The following MRPS33 variants were observed in gnomAD, a reference collection of about 807,000 sequenced individuals.
The protein encoded by MRPS33 is mitochondrial ribosomal protein S33.
Under a neutral mutation model 11.2 loss-of-function variants are expected in MRPS33, and 11 were observed. That is an observed-to-expected ratio of 0.99 (90% CI 0.62 to 1.63). The LOEUF (loss-of-function observed/expected upper bound fraction) is 1.63, where lower values mean the gene tolerates loss of function less well. Ranked by LOEUF, MRPS33 falls within the 40% of genes most tolerant of loss-of-function variation. The pLI, the probability that MRPS33 is intolerant of heterozygous loss-of-function variation, is 0.00. For synonymous variants in MRPS33, 46 were observed against 44.0 expected, an observed-to-expected ratio of 1.05 and a Z score of -0.18; for missense variants, 109 against 127.8, an observed-to-expected ratio of 0.85 and a Z score of 0.71.
chr7:141,006,678 CA>C (rs1820538936), intron 2 of MRPS33, 143 bp from the exon 3 acceptor site: 1 of 691,020 alleles, frequency 1.4e-6, no homozygotes, highest in African/African-American at 1.8e-5. Context: ...GCTTGGTGAA[CA>C]AAAAGTATAG....
chr7:141,006,573 T>C (rs747486899), intron 2 of MRPS33, 38 bp from the exon 3 acceptor site: 1 of 1,554,178 alleles, frequency 6.4e-7, no homozygotes, highest in Non-Finnish European at 8.9e-7. Context: ...CCAGTTATTT[T>C]TACGAGTAGA....
At position 141,006,126 on chromosome 7, in the gene MRPS33, T is replaced by G. The variant is rs801099; in HGVS notation, c.*304A>C. ...CTCACTTAATGAGGTTTCCCCTCCA[T>G]TCCCCCAGCATCCCATCCCACCCCA... is the stretch of plus-strand genomic sequence containing the variant. On this transcript the variant is annotated 3_prime_UTR_variant, in exon 3 of 3. Transcript: ENST00000324787. 1.1e-5 allele frequency: 4 copies of G among 352,992 alleles called. No individual in the cohort carries two copies. The East Asian group carries it at 2.6e-4, about 23-fold the overall frequency. The allele number at this position is 352,992 out of a possible 1,614,324, so 21.9% of individuals were successfully genotyped here.
intron 2 of MRPS33, 62 bp from the exon 3 acceptor site, chr7:141,006,597 C>A: frequency 7.9e-7 from 1 of 1,267,034 alleles, no homozygotes; most frequent in South Asian, 1.2e-5. Flanking sequence ...GTACACTAAT[C>A]TAGCACGCAC....
At chr7:141,006,564 C>T (rs369688480) in intron 2 of MRPS33, 29 bp from the exon 3 acceptor site, 2 of 1,563,870 alleles carry the variant, frequency 1.3e-6, no homozygotes, top group Non-Finnish European at 8.8e-7. Flanking sequence ...AATAATTAAC[C>T]AGTTATTTTT....
chr7:141,008,388 T>C (rs1308083310), intron 2 of MRPS33, among the ~76,000 whole-genome samples: 1 of 152,252 alleles, frequency 6.6e-6, no homozygotes, highest in Non-Finnish European at 1.5e-5. Flanking sequence ...AAATTAGTTT[T>C]TATTTTCTGA....
Position 141,003,510 on chromosome 7 carries a change from C to T in MRPS33, c.*2920G>A, listed in dbSNP as rs567789064. ...GCAGTGGCACACTAATCTACTTCTGCGTTATCTACAAACTTCCCTGTCAAT... is the reference window on the plus strand; with the variant it reads ...GCAGTGGCACACTAATCTACTTCTGTGTTATCTACAAACTTCCCTGTCAAT... On this transcript the variant is annotated 3_prime_UTR_variant, in exon 3 of 3. Coordinates refer to ENST00000324787, the MANE Select transcript of MRPS33 (RefSeq NM_053035.3). 9.9e-5 allele frequency: 15 copies of T among 152,242 alleles called. No individual in the cohort carries two copies. The highest frequency in any genetic ancestry group is 1.9e-4 in the East Asian group (1 of 5,204). 9.4% of individuals were successfully genotyped at this position (152,242 alleles called of 1,614,324 possible).
rs888743917 is a variant in MRPS33 at position 141,004,447 on chromosome 7, A to C, written c.*1983T>G. 6.6e-6 allele frequency: 1 copy of C among 152,256 alleles called. No individual in the cohort carries two copies. The highest frequency in any genetic ancestry group is 1.5e-5 in the Non-Finnish European group (1 of 68,048). The allele number at this position is 152,256 out of a possible 1,614,324, so 9.4% of individuals were successfully genotyped here. On this transcript the variant is annotated 3_prime_UTR_variant, in exon 3 of 3. Transcript: ENST00000324787. ...ACCATCTGGATTAGGTATCTTTAAA[A>C]ATAGCATTCATTTAAACATATGTAC...
At chr7:141,013,246 A>G (rs576628210) in intron 1 of MRPS33, among the ~76,000 whole-genome samples, 18 of 152,236 alleles carry the variant, frequency 1.2e-4, no homozygotes, top group Non-Finnish European at 1.9e-4. Context: ...GACAGTAGTC[A>G]CTGAAGCCAT....
At chr7:141,010,941 ACAGT>A (rs773901003) in intron 1 of MRPS33, among the ~76,000 whole-genome samples, 2 of 152,204 alleles carry the variant, frequency 1.3e-5, no homozygotes, top group Admixed American at 1.3e-4. Flanking sequence ...TTATTTACTG[ACAGT>A]CAGTTTACCT....
chr7:141,014,666 AAG>A (rs1445772766), intron 1 of MRPS33: 1 of 152,234 alleles, frequency 6.6e-6, no homozygotes, highest in African/African-American at 2.4e-5. Flanking sequence ...ACCAATATGG[AAG>A]AGAGTAATTG....
chr7:141,013,414 C>T (rs1013462486), intron 1 of MRPS33, among the ~76,000 whole-genome samples: 1 of 152,166 alleles, frequency 6.6e-6, no homozygotes. Context: ...AGGGAATAAG[C>T]CTTTTCAAAC....
rs1015835975 is a variant in MRPS33, at chr7:141,002,920, G to A, written c.*3510C>T. On this transcript the variant is annotated 3_prime_UTR_variant, in exon 3 of 3. Transcript: ENST00000324787. The stretch of plus-strand genomic sequence containing the variant: ...CAGCAGTACTTACTAGTCACATAAT[G>A]TGCTATATGTAAAAGTTTTTAACTT... The A allele has an allele frequency of 1.3e-5, 2 of 152,208 alleles. No individual in the cohort carries two copies. The highest frequency in any genetic ancestry group is 4.8e-5 in the African/African-American group (2 of 41,408). The allele number at this position is 152,208 out of a possible 1,614,324, so 9.4% of individuals were successfully genotyped here. A position where few individuals can be genotyped will look rare whatever the true frequency, so the allele number is the denominator to read the frequency against.
intron 1 of MRPS33, among the ~76,000 whole-genome samples, chr7:141,011,402 T>C (rs1352480351): frequency 1.3e-5 from 2 of 152,204 alleles, no homozygotes; most frequent in Non-Finnish European, 2.9e-5. Context: ...TCTTATCAGC[T>C]GGAAACAGTA....
rs759882175 is a variant in MRPS33 at position 141,006,416 on chromosome 7, T to G, written c.*14A>C. 2 of 1,605,324 alleles carry G rather than the reference T, an allele frequency of 1.2e-6. No individual in the cohort carries two copies. Among genetic ancestry groups the G allele is most frequent in the African/African-American group, 2.7e-5 (2 of 74,706 alleles). On this transcript the variant is annotated 3_prime_UTR_variant, in exon 3 of 3. Coordinates refer to ENST00000324787, the MANE Select transcript of MRPS33 (RefSeq NM_053035.3). ...GCCACTGAGGAAGAAAGTCTCCCTCTTGAGGGACCAACACTATTTCCTTTT... is the reference window on the plus strand; with the variant it reads ...GCCACTGAGGAAGAAAGTCTCCCTCGTGAGGGACCAACACTATTTCCTTTT...
chr7:141,007,694 G>A (rs1191034421), intron 2 of MRPS33, among the ~76,000 whole-genome samples: 1 of 152,006 alleles, frequency 6.6e-6, no homozygotes, highest in East Asian at 1.9e-4. Context: ...CCTCTGCCTT[G>A]CAAACTCTTC....
In MRPS33 at chr7:141,010,664, T is replaced by C. The variant is rs377720684; in HGVS notation, c.-27-4A>G. Reference sequence around the variant, plus strand: ...GAGTGGCAAGGAGTTAGAGTTCCTATTGAAAATGAGAAGAAAGTTAAACAG... The same window carrying C: ...GAGTGGCAAGGAGTTAGAGTTCCTACTGAAAATGAGAAGAAAGTTAAACAG... On this transcript the variant is annotated splice_region_variant and splice_polypyrimidine_tract_variant and intron_variant, in intron 1 of 2. Coordinates refer to ENST00000324787, the MANE Select transcript of MRPS33 (RefSeq NM_053035.3). The C allele has an allele frequency of 8.8e-6, 14 of 1,593,356 alleles. No individual in the cohort carries two copies. In the East Asian group the frequency reaches 8.9e-5, roughly 10 times the overall value.
rs768822885 is a variant in MRPS33, at chr7:141,010,486, C to T, written c.148G>A (p.Asp50Asn). The T allele has an allele frequency of 5.6e-6, 9 of 1,614,176 alleles. No homozygotes were observed. In the South Asian group the frequency reaches 7.7e-5, roughly 14 times the overall value. ...TAAGTGTGGTGATTTGGATACCAAT[C>T]ATAAGTCTCCTTCTTCTTGGCCAAG... The part of the protein sequence containing the change: ...LPLAKKKETY[D>N]WYPNHHTYAE... Residue 50 changes from aspartate to asparagine, a missense_variant, in exon 2 of 3, where the codon GAT becomes AAT. Coordinates refer to ENST00000324787, the MANE Select transcript of MRPS33 (RefSeq NM_053035.3).
At chr7:141,008,870 C>T (rs2129164661) in intron 2 of MRPS33, among the ~76,000 whole-genome samples, 1 of 150,884 alleles carries the variant, frequency 6.6e-6, no homozygotes, top group East Asian at 1.9e-4. Context: ...TCTCGGCTCA[C>T]TGTAACCTCT....
Position 141,006,345 on chromosome 7 carries a change from A to G in MRPS33, c.*85T>C. ...AATAAACTTCATTTAGGAAGATGAC[A>G]TTCCTCCAATAGGTGGAAAGACAAT... is the stretch of plus-strand genomic sequence containing the variant. On this transcript the variant is annotated 3_prime_UTR_variant, in exon 3 of 3. Coordinates refer to ENST00000324787, the MANE Select transcript of MRPS33 (RefSeq NM_053035.3). 5.3e-6 allele frequency: 6 copies of G among 1,130,818 alleles called. No homozygotes were observed. The highest frequency in any genetic ancestry group is 1.9e-5 in the Admixed American group (1 of 51,406). 70.0% of individuals were successfully genotyped at this position (1,130,818 alleles called of 1,614,324 possible).
Sources: allele counts gnomAD v4.1 joint callset (sites outside exome capture counted in the v4.1 genomes callset), GRCh38; gene constraint gnomAD v4.1.1; transcripts MANE v1.5; gene names NCBI Gene and HGNC (gene_info 2026-07-23, HGNC 2026-07-21).